Variants in LRRC1 observed in about 807,000 individuals in gnomAD.
The protein encoded by LRRC1 is leucine-rich repeat-containing protein 1.
LRRC1 carries 28 observed loss-of-function variants against 69.9 expected under a neutral mutation model. The observed-to-expected ratio is 0.40, with a 90% CI of 0.30 to 0.55. LRRC1 has a LOEUF of 0.55. Among genes scored for constraint, LRRC1 ranks in the 20% least tolerant of loss-of-function variants. The pLI is 0.47. For missense variants in LRRC1, 498 were observed against 609.0 expected, an observed-to-expected ratio of 0.82 and a Z score of 1.92; for synonymous variants, 236 against 240.2, an observed-to-expected ratio of 0.98 and a Z score of 0.16.
At chr6:53,842,341 A>G (rs1765817897) in intron 2 of LRRC1, 114 bp downstream of exon 2, 4 of 676,014 alleles carry the variant, frequency 5.9e-6, no homozygotes, top group Non-Finnish European at 7.8e-6. Flanking sequence ...TCCTTGTGAT[A>G]GTTCGCTGAG....
At position 53,842,246 on chromosome 6, in the gene LRRC1, G is replaced by A; in HGVS notation, c.277+19G>A. On this transcript the variant is annotated intron_variant, in intron 2 of 13. Transcript: ENST00000370888. Reference sequence around the variant, plus strand: ...CGAAATGGTAAGAAAGATTCCACTTGGGTTGCCTATTTGTCTCTTCAGATG... The same window carrying A: ...CGAAATGGTAAGAAAGATTCCACTTAGGTTGCCTATTTGTCTCTTCAGATG... 1 of 1,567,594 alleles carries A rather than the reference G, an allele frequency of 6.4e-7. No homozygotes were observed. The highest frequency in any genetic ancestry group is 8.8e-7 in the Non-Finnish European group (1 of 1,138,888).
At chr6:53,797,110 G>T (rs55931905) in intron 1 of LRRC1, among the ~76,000 whole-genome samples, 23,168 of 151,698 alleles carry the variant, frequency 0.15, 1,864 homozygotes, top group Non-Finnish European at 0.17. Context: ...TGCAGGGTTT[G>T]TGGGTTTTCC....
At chr6:53,851,173 GACACAC>G (rs3222575) in intron 2 of LRRC1, among the ~76,000 whole-genome samples, 130 of 144,726 alleles carry the variant, frequency 9.0e-4, no homozygotes, top group East Asian at 2.0e-3. Context: ...GAACTAATAG[GACACAC>G]ACACACACAC....
intron 1 of LRRC1, among the ~76,000 whole-genome samples, chr6:53,799,750 G>A (rs1193237322): frequency 6.6e-6 from 1 of 152,152 alleles, no homozygotes. Flanking sequence ...TTTAATTTAG[G>A]TTTCATATTG....
intron 13 of LRRC1, 109 bp downstream of exon 13, chr6:53,920,870 C>A: frequency 7.7e-7 from 1 of 1,292,908 alleles, no homozygotes; most frequent in South Asian, 1.4e-5. Context: ...TCTGCTTTGC[C>A]TTCAGCATTT....
intron 9 of LRRC1, among the ~76,000 whole-genome samples, chr6:53,903,431 C>T (rs1307837849): frequency 6.6e-6 from 1 of 152,078 alleles, no homozygotes; most frequent in Non-Finnish European, 1.5e-5. Flanking sequence ...TTTTGTCAGC[C>T]CTTCAGTTGT....
chr6:53,846,780 T>C (rs1027938106), intron 2 of LRRC1, among the ~76,000 whole-genome samples: 20 of 152,230 alleles, frequency 1.3e-4, no homozygotes, highest in African/African-American at 4.6e-4. Flanking sequence ...GAAATGCGTA[T>C]GCTTCAATGC....
chr6:53,823,078 C>T (rs1192703677), intron 1 of LRRC1, among the ~76,000 whole-genome samples: 3 of 152,154 alleles, frequency 2.0e-5, no homozygotes, highest in Non-Finnish European at 4.4e-5. Flanking sequence ...TCCCTTGATC[C>T]TCACTGTGAC....
intron 11 of LRRC1, among the ~76,000 whole-genome samples, chr6:53,918,737 A>C (rs2127442882): frequency 6.6e-6 from 1 of 152,352 alleles, no homozygotes; most frequent in Non-Finnish European, 1.5e-5. Context: ...GATTGCAGCC[A>C]ATCTGTGAAA....
At chr6:53,848,917 C>G (rs952876501) in intron 2 of LRRC1, among the ~76,000 whole-genome samples, 2 of 152,058 alleles carry the variant, frequency 1.3e-5, no homozygotes, top group Admixed American at 1.3e-4. Flanking sequence ...GCCACCAAGC[C>G]CGGCTAATTT....
chr6:53,824,474 A>G (rs1205017339), intron 1 of LRRC1, among the ~76,000 whole-genome samples: 1 of 152,120 alleles, frequency 6.6e-6, no homozygotes, highest in African/African-American at 2.4e-5. Context: ...TTTGCTGTGC[A>G]GAAGCTGTTT....
At chr6:53,847,096 CAATTTTAA>C (rs561889070) in intron 2 of LRRC1, among the ~76,000 whole-genome samples, 19 of 152,152 alleles carry the variant, frequency 1.2e-4, no homozygotes, top group Non-Finnish European at 2.5e-4. Context: ...TGCAAAACAG[CAATTTTAA>C]ATTTTGAGTC....
chr6:53,844,423 A>G (rs1401765881), intron 2 of LRRC1, among the ~76,000 whole-genome samples: 1 of 152,118 alleles, frequency 6.6e-6, no homozygotes, highest in African/African-American at 2.4e-5. Flanking sequence ...CCCGTAATTA[A>G]CTCTAATGGG....
chr6:53,880,835 A>G (rs1767267045), intron 3 of LRRC1, among the ~76,000 whole-genome samples: 2 of 152,240 alleles, frequency 1.3e-5, no homozygotes, highest in Non-Finnish European at 2.9e-5. Context: ...GGAATGGAGT[A>G]AGTGCTCAAT....
chr6:53,890,775 A>G (rs1767653714), intron 4 of LRRC1, among the ~76,000 whole-genome samples: 1 of 152,078 alleles, frequency 6.6e-6, no homozygotes, highest in South Asian at 2.1e-4. Flanking sequence ...TGTATAAGCA[A>G]CTCCCCATTC....
intron 2 of LRRC1, among the ~76,000 whole-genome samples, chr6:53,866,413 G>T (rs1423267669): frequency 6.6e-6 from 1 of 152,160 alleles, no homozygotes. Context: ...TAGTCAGTAC[G>T]TGTTGTTGAA....
intron 1 of LRRC1, among the ~76,000 whole-genome samples, chr6:53,841,547 A>T (rs1329070852): frequency 6.6e-6 from 1 of 152,150 alleles, no homozygotes; most frequent in Non-Finnish European, 1.5e-5. Flanking sequence ...TACAGTTTTT[A>T]AAAAGTATGG....
At chr6:53,888,520 T>C (rs1767568553) in intron 4 of LRRC1, among the ~76,000 whole-genome samples, 1 of 152,204 alleles carries the variant, frequency 6.6e-6, no homozygotes, top group African/African-American at 2.4e-5. Flanking sequence ...ATAGCAATAC[T>C]CGACAAGTCG....
chr6:53,805,152 A>G (rs971036929), intron 1 of LRRC1, among the ~76,000 whole-genome samples: 2 of 152,154 alleles, frequency 1.3e-5, no homozygotes, highest in Non-Finnish European at 2.9e-5. Flanking sequence ...TTGGACGACT[A>G]ACATCTAATA....
Sources: allele counts gnomAD v4.1 joint callset (sites outside exome capture counted in the v4.1 genomes callset), GRCh38; gene constraint gnomAD v4.1.1; transcripts MANE v1.5; gene names NCBI Gene and HGNC (gene_info 2026-07-23, HGNC 2026-07-21).